The following SBF2 variants were observed in gnomAD, a reference collection of about 807,000 sequenced individuals.
SBF2 encodes the protein SET binding factor 2, also known as myotubularin-related protein 13.
A neutral mutation model predicts 225.2 loss-of-function variants in SBF2; 112 were observed. The observed-to-expected ratio is 0.50, with a 90% CI of 0.43 to 0.58. The LOEUF (loss-of-function observed/expected upper bound fraction) is 0.58. Among genes scored for constraint, SBF2 ranks in the 20% least tolerant of loss-of-function variants. The probability of loss-of-function intolerance (pLI) is 0.00; values close to 1 mark genes in which losing one functional copy is unlikely to be tolerated. For synonymous variants in SBF2, 763 were observed against 773.3 expected (o/e 0.99, Z 0.22); for missense variants, 1,996 against 2,206.2 (o/e 0.90, Z 1.91).
chr11:10,043,055 A>T, intron 2 of SBF2, 74 bp from the exon 3 acceptor site: 3 of 1,478,026 alleles, frequency 2.0e-6, no homozygotes, highest in Non-Finnish European at 2.8e-6. Context: ...AGAAATTTTA[A>T]ATGTTTGCCC....
chr11:9,985,489 A>C (rs1483948134), intron 13 of SBF2, among the ~76,000 whole-genome samples: 1 of 151,928 alleles, frequency 6.6e-6, no homozygotes, highest in Non-Finnish European at 1.5e-5. Flanking sequence ...TGCCTGGCTA[A>C]TTTTTGTATT....
intron 2 of SBF2, among the ~76,000 whole-genome samples, chr11:10,075,250 T>C (rs762442222): frequency 1.3e-5 from 2 of 152,218 alleles, no homozygotes; most frequent in Non-Finnish European, 2.9e-5. Flanking sequence ...AAATACATCA[T>C]TACTGTCAAG....
intron 2 of SBF2, among the ~76,000 whole-genome samples, chr11:10,048,366 T>C (rs1368632656): frequency 6.6e-6 from 1 of 152,230 alleles, no homozygotes; most frequent in Non-Finnish European, 1.5e-5. Flanking sequence ...ATATTGGTTG[T>C]TTCTTTACTG....
chr11:9,982,440 G>C (rs1055818240), intron 13 of SBF2, among the ~76,000 whole-genome samples: 36 of 152,164 alleles, frequency 2.4e-4, no homozygotes, highest in African/African-American at 8.7e-4. Flanking sequence ...TTGATATACA[G>C]TACCAACTGT....
intron 2 of SBF2, among the ~76,000 whole-genome samples, chr11:10,130,421 A>AT (rs201320122): frequency 1.3e-5 from 2 of 151,982 alleles, no homozygotes; most frequent in Non-Finnish European, 2.9e-5. Context: ...CCCTTAAACA[A>AT]TTTTTTTAGT....
intron 2 of SBF2, among the ~76,000 whole-genome samples, chr11:10,107,891 T>C (rs191750131): frequency 1.3e-5 from 2 of 152,308 alleles, no homozygotes; most frequent in East Asian, 3.9e-4. Context: ...GGGGACACCA[T>C]TCAACCCACT....
At chr11:9,840,684 A>T (rs1407592932) in intron 25 of SBF2, among the ~76,000 whole-genome samples, 1 of 152,234 alleles carries the variant, frequency 6.6e-6, no homozygotes, top group Non-Finnish European at 1.5e-5. Context: ...TCAGACTATA[A>T]ACTTTTATTA....
chr11:10,016,841 C>G (rs915220527), intron 6 of SBF2: 4 of 152,126 alleles, frequency 2.6e-5, no homozygotes, highest in African/African-American at 7.2e-5. Flanking sequence ...GATTTTTATT[C>G]CTATGTAGCA....
chr11:10,092,857 T>C (rs1275045667), intron 2 of SBF2, among the ~76,000 whole-genome samples: 2 of 152,026 alleles, frequency 1.3e-5, no homozygotes, highest in Non-Finnish European at 2.9e-5. Flanking sequence ...TTCCTCTCAG[T>C]AAGATTATAC....
In SBF2 at chr11:9,852,665, T is replaced by C. The variant is rs375912268; in HGVS notation, c.2610+11A>G. 1.9e-6 allele frequency: 3 copies of C among 1,600,068 alleles called. No individual in the cohort carries two copies. The highest frequency in any genetic ancestry group is 1.3e-5 in the African/African-American group (1 of 74,654). On this transcript the variant is annotated intron_variant, in intron 21 of 39. Coordinates refer to ENST00000256190, the MANE Select transcript of SBF2 (RefSeq NM_030962.4). ...GAGGCTATACCCTGAAAGCATGTAGTCTGGAATTACCTTCTGAATAGGCGG... is the reference window on the plus strand; with the variant it reads ...GAGGCTATACCCTGAAAGCATGTAGCCTGGAATTACCTTCTGAATAGGCGG...
At chr11:10,237,482 T>C (rs1168659401) in intron 1 of SBF2, among the ~76,000 whole-genome samples, 1 of 152,222 alleles carries the variant, frequency 6.6e-6, no homozygotes, top group Non-Finnish European at 1.5e-5. Context: ...CTGGGAATAC[T>C]GCCCAGCCTC....
At chr11:10,061,033 AAAAT>A (rs1055842389) in intron 2 of SBF2, among the ~76,000 whole-genome samples, 19 of 152,276 alleles carry the variant, frequency 1.2e-4, no homozygotes, top group South Asian at 6.2e-4. Context: ...ATCTCAAAAA[AAAAT>A]AAATAAATAA....
At chr11:9,979,763 T>C (rs1418346327) in intron 13 of SBF2, among the ~76,000 whole-genome samples, 10 of 152,124 alleles carry the variant, frequency 6.6e-5, no homozygotes, top group Admixed American at 1.3e-4. Context: ...TAACAGTCAA[T>C]TAAAGTACTT....
intron 13 of SBF2, among the ~76,000 whole-genome samples, chr11:9,979,088 A>G (rs1041506669): frequency 6.6e-6 from 1 of 152,270 alleles, no homozygotes; most frequent in Non-Finnish European, 1.5e-5. Flanking sequence ...GTGAAAGAAC[A>G]TAGGCTTAGG....
Position 10,220,095 on chromosome 11 carries a change from G to T in SBF2, c.56-26108C>A, listed in dbSNP as rs182938741. 9.2e-5 allele frequency among the ~76,000 whole-genome samples: 14 copies of T among 152,298 alleles called. No homozygotes were observed. In the East Asian group the frequency reaches 2.7e-3, roughly 29 times the overall value. ...GAGACTGCGTAATTTAAAAAGGAAA[G>T]AAGTTTAATGGACTCACAGTTCCAC... On this transcript the variant is annotated intron_variant, in intron 1 of 39. Transcript: ENST00000256190.
At chr11:10,193,642 G>A (rs796113589) in intron 2 of SBF2, among the ~76,000 whole-genome samples, 11 of 152,130 alleles carry the variant, frequency 7.2e-5, no homozygotes, top group African/African-American at 1.7e-4. Flanking sequence ...ATGAGCCACC[G>A]CGCCTGGCCC....
In SBF2 at chr11:9,795,890, T is replaced by C. The variant is rs775502481; in HGVS notation, c.4511A>G (p.Tyr1504Cys). Residue 1504 changes from tyrosine (Y) to cysteine (C), a missense_variant, in exon 33 of 40, where the codon TAT (tyrosine) becomes TGT (cysteine). Physicochemically the swap from Tyr to Cys is radical, Grantham distance 194. Coordinates refer to ENST00000256190, the MANE Select transcript of SBF2 (RefSeq NM_030962.4). ...AAATGTTTTAAAGCGATTAGACACA[T>C]AGTGGAAAGCCAAGAACTTTAAGTA... ...LYYLKFLAFH[Y>C]VSNRFKTFLL... 6.2e-6 allele frequency: 10 copies of C among 1,613,704 alleles called. No homozygotes were observed. The highest frequency in any genetic ancestry group is 1.7e-5 in the Admixed American group (1 of 60,026).
chr11:10,176,277 A>C (rs1156622359), intron 2 of SBF2, among the ~76,000 whole-genome samples: 2 of 150,684 alleles, frequency 1.3e-5, no homozygotes, highest in Admixed American at 1.3e-4. Flanking sequence ...CACAATTAAA[A>C]GAACTAGAAA....
intron 16 of SBF2, among the ~76,000 whole-genome samples, chr11:9,924,589 G>A (rs1273418077): frequency 4.6e-5 from 7 of 151,828 alleles, no homozygotes; most frequent in East Asian, 1.9e-4. Flanking sequence ...GCACCACCCC[G>A]CCCCGCTAAT....
Sources: allele counts gnomAD v4.1 joint callset (sites outside exome capture counted in the v4.1 genomes callset), GRCh38; gene constraint gnomAD v4.1.1; transcripts MANE v1.5; gene names NCBI Gene and HGNC (gene_info 2026-07-23, HGNC 2026-07-21).